FXYD6: variants seen among roughly 807,000 people sequenced by gnomAD.
FXYD6 encodes FXYD domain containing ion transport regulator 6.
In FXYD6, 7 loss-of-function variants were observed where a neutral mutation model predicts 16.7. That is an observed-to-expected ratio of 0.42 (90% CI 0.24 to 0.79). FXYD6 has a LOEUF of 0.79. Ranked by LOEUF, FXYD6 falls within the 30% of genes least tolerant of loss-of-function variation. The pLI is 0.28. For missense variants in FXYD6, 111 were observed against 116.2 expected (o/e 0.95, Z 0.21); for synonymous variants, 49 against 43.0 (o/e 1.14, Z -0.54).
In FXYD6 at chr11:117,870,431, C is replaced by T. The variant is rs2057110347; in HGVS notation, c.-6+6161G>A. Among the ~76,000 whole-genome samples the T allele has an allele frequency of 6.6e-6, 1 of 152,210 alleles. No homozygotes were observed. Among genetic ancestry groups the T allele is most frequent in the Non-Finnish European group, 1.5e-5 (1 of 68,030 alleles). On this transcript the variant is annotated intron_variant, in intron 1 of 7. Coordinates refer to ENST00000526014, the MANE Select transcript of FXYD6 (RefSeq NM_022003.4). This position sits in a 1 kb window ranked among gnomAD's most constrained non-coding sequence, Gnocchi z 4.2. ...CATTCAAGACAGGACAGACAGCAGTCCCAGCAGCAGACACAGAAACCCAGA... is the reference window on the plus strand; with the variant it reads ...CATTCAAGACAGGACAGACAGCAGTTCCAGCAGCAGACACAGAAACCCAGA...
chr11:117,848,539 C>T (rs1234754297), intron 1 of FXYD6, among the ~76,000 whole-genome samples: 1 of 152,004 alleles, frequency 6.6e-6, no homozygotes, highest in African/African-American at 2.4e-5. Context: ...GATGGCAGTA[C>T]TGGCCTCACA....
chr11:117,841,801 G>A lies in FXYD6; in HGVS notation c.162C>T (p.Leu54=), dbSNP rs768997710. ...AAAGAACAAACTTACTTAGGATAAG[G>A]AGGATCCCAACCGAGAAGAGGACCA... The part of the protein sequence containing the change: ...FAVVLFSVGI[L]LILSRRCKCS... The change falls in exon 4 of 8, where the codon CTC becomes CTT. Residue 54 remains leucine (L), a synonymous_variant. Coordinates refer to ENST00000526014, the MANE Select transcript of FXYD6 (RefSeq NM_022003.4). 20 of 1,613,764 alleles carry A rather than the reference G, an allele frequency of 1.2e-5. No homozygotes were observed. The South Asian group carries it at 1.9e-4, about 15-fold the overall frequency.
At chr11:117,864,876 C>A (rs1486347068) in intron 1 of FXYD6, among the ~76,000 whole-genome samples, 1 of 152,080 alleles carries the variant, frequency 6.6e-6, no homozygotes, top group Admixed American at 6.5e-5. Flanking sequence ...TGGGTCACCG[C>A]GTCTGGCCGA....
intron 1 of FXYD6, among the ~76,000 whole-genome samples, chr11:117,874,680 T>C (rs2057216731): frequency 1.3e-5 from 2 of 152,304 alleles, no homozygotes; most frequent in African/African-American, 2.4e-5. Flanking sequence ...GATCCTCTGC[T>C]GGTGAGGATG....
chr11:117,858,736 CCTTCCTTCCTTCCTT>C lies in FXYD6; in HGVS notation c.-5-15970_-5-15956del, dbSNP rs1565324032. On this transcript the variant is annotated intron_variant, in intron 1 of 7. Transcript: ENST00000526014. ...CTCTCCTTCCTTCCCTTCCTTCCTTCCTTCCTTCCTTCCTTCCTTCCTTCCTTCCTTCCTTCCTTC... is the reference window on the plus strand; with the variant it reads ...CTCTCCTTCCTTCCCTTCCTTCCTTCCCTTCCTTCCTTCCTTCCTTCCTTC... 6.5e-4 allele frequency among the ~76,000 whole-genome samples: 67 copies of C among 102,726 alleles called. 4 individuals are homozygous for C. The highest frequency in any genetic ancestry group is 2.5e-3 in the African/African-American group (64 of 26,118). The allele number at this position is 102,726 out of a possible 152,430, so 67.4% of individuals were successfully genotyped here. A position where few individuals can be genotyped will look rare whatever the true frequency, so the allele number is the denominator to read the frequency against.
chr11:117,840,228 G>T, intron 6 of FXYD6, 91 bp downstream of exon 6: 3 of 1,555,584 alleles, frequency 1.9e-6, no homozygotes, highest in South Asian at 2.2e-5. Context: ...TGTCTGGCTG[G>T]CCATGCACCT....
intron 1 of FXYD6, among the ~76,000 whole-genome samples, chr11:117,866,330 G>A (rs926383047): frequency 6.6e-6 from 1 of 152,014 alleles, no homozygotes; most frequent in African/African-American, 2.4e-5. Context: ...AAAAAAAACT[G>A]GGGGGGAAAT....
intron 1 of FXYD6, among the ~76,000 whole-genome samples, chr11:117,857,239 G>A (rs774884645): frequency 8.5e-5 from 13 of 152,116 alleles, no homozygotes; most frequent in African/African-American, 3.1e-4. Flanking sequence ...TCTCACACAG[G>A]GGAGTAAATA....
intron 4 of FXYD6, among the ~76,000 whole-genome samples, chr11:117,841,399 C>G (rs746530172): frequency 6.6e-6 from 1 of 152,120 alleles, no homozygotes; most frequent in Non-Finnish European, 1.5e-5. Flanking sequence ...CCCCACAGCC[C>G]TCTTGATCAT....
At chr11:117,869,836 T>C (rs1254647148) in intron 1 of FXYD6, among the ~76,000 whole-genome samples, 1 of 150,406 alleles carries the variant, frequency 6.6e-6, no homozygotes, top group Admixed American at 6.7e-5. Flanking sequence ...AGCGGAGGCA[T>C]GGTGGAGAGA....
chr11:117,839,722 C>T, intron 7 of FXYD6, 59 bp downstream of exon 7: 2 of 1,606,320 alleles, frequency 1.2e-6, no homozygotes, highest in South Asian at 2.2e-5. Context: ...AACCCCTGTC[C>T]AGGCCCTGAT....
chr11:117,849,014 T>C (rs1437444081), intron 1 of FXYD6, among the ~76,000 whole-genome samples: 1 of 152,208 alleles, frequency 6.6e-6, no homozygotes, highest in Non-Finnish European at 1.5e-5. Flanking sequence ...TTCTTTTTTA[T>C]GTTTATCTTG....
At chr11:117,846,704 T>G (rs1288213129) in intron 1 of FXYD6, among the ~76,000 whole-genome samples, 1 of 152,234 alleles carries the variant, frequency 6.6e-6, no homozygotes, top group Non-Finnish European at 1.5e-5. Context: ...GTTTCTGGGC[T>G]ATCTCTTTGG....
intron 1 of FXYD6, among the ~76,000 whole-genome samples, chr11:117,867,382 T>G (rs1201346681): frequency 6.6e-6 from 1 of 152,224 alleles, no homozygotes; most frequent in Non-Finnish European, 1.5e-5. Context: ...GTCCTAGCCA[T>G]GCTCGCACTT....
intron 1 of FXYD6, among the ~76,000 whole-genome samples, chr11:117,866,287 T>C (rs528875415): frequency 2.0e-5 from 3 of 152,062 alleles, no homozygotes; most frequent in Non-Finnish European, 2.9e-5. Context: ...AAAATCATAG[T>C]ACATTTTATG....
intron 1 of FXYD6, among the ~76,000 whole-genome samples, chr11:117,868,440 A>C (rs1293420219): frequency 6.6e-6 from 1 of 152,170 alleles, no homozygotes. Flanking sequence ...CATGAGGAGA[A>C]CATCGAACAA....
intron 7 of FXYD6, 188 bp downstream of exon 7, chr11:117,839,593 G>C: frequency 1.6e-6 from 1 of 612,804 alleles, no homozygotes; most frequent in South Asian, 2.2e-5. Flanking sequence ...GGGACACTTC[G>C]GGTGTTTCTA....
intron 1 of FXYD6, among the ~76,000 whole-genome samples, chr11:117,860,880 T>A (rs547247211): frequency 6.6e-6 from 1 of 152,360 alleles, no homozygotes; most frequent in East Asian, 1.9e-4. Context: ...GATCATTCCC[T>A]TTACACAGAC....
At chr11:117,860,252 G>T (rs1222774840) in intron 1 of FXYD6, among the ~76,000 whole-genome samples, 2 of 151,870 alleles carry the variant, frequency 1.3e-5, no homozygotes, top group Non-Finnish European at 2.9e-5. Context: ...TCCATTTGGG[G>T]GCAAAGAGCC....
Sources: gnomAD v4.1 joint callset for allele counts (sites outside exome capture counted in the v4.1 genomes callset) on GRCh38, gnomAD v4.1.1 for gene constraint, Gnocchi (gnomAD v3.1) non-coding constraint, MANE v1.5 for transcripts, NCBI Gene and HGNC (gene_info 2026-07-23, HGNC 2026-07-21) for gene names.